MFSD1: variants seen among roughly 807,000 people sequenced by gnomAD.
MFSD1 encodes the protein lysosomal dipeptide transporter MFSD1.
MFSD1 carries 59 observed loss-of-function variants against 67.1 expected under a neutral mutation model. The ratio of observed to expected loss-of-function variants is 0.88; its 90% CI spans 0.71 to 1.09. The LOEUF is 1.09. Among genes scored for constraint, MFSD1 ranks in the 50% least tolerant of loss-of-function variants. MFSD1 has a pLI of 0.00. For missense variants in MFSD1, 552 were observed against 566.1 expected, an observed-to-expected ratio of 0.97 and a Z score of 0.25; for synonymous variants, 213 against 200.3, an observed-to-expected ratio of 1.06 and a Z score of -0.54.
At chr3:158,808,628 A>G (rs534972484) in intron 5 of MFSD1, among the ~76,000 whole-genome samples, 38 of 152,290 alleles carry the variant, frequency 2.5e-4, no homozygotes, top group Middle Eastern at 3.4e-3. Flanking sequence ...TTATTGCAGT[A>G]TATCATGTGA....
chr3:158,808,943 G>GCCC (rs2108209242), intron 5 of MFSD1: 1 of 398,832 alleles, frequency 2.5e-6, no homozygotes, highest in Non-Finnish European at 4.5e-6. Flanking sequence ...AAGTGCGAGT[G>GCCC]TCGGAGTGAA....
intron 3 of MFSD1, among the ~76,000 whole-genome samples, chr3:158,806,263 G>A (rs1729722407): frequency 6.6e-6 from 1 of 152,192 alleles, no homozygotes; most frequent in South Asian, 2.1e-4. Context: ...TCAAGAGAGA[G>A]AATTAGCTTG....
At chr3:158,826,131 C>G in intron 14 of MFSD1, 69 bp downstream of exon 14, 1 of 1,281,866 alleles carries the variant, frequency 7.8e-7, no homozygotes, top group Non-Finnish European at 1.1e-6. Context: ...CTGGGTCTGC[C>G]TCTTTGGGGG....
At chr3:158,804,726 T>TA (rs1335450162) in intron 2 of MFSD1, among the ~76,000 whole-genome samples, 1 of 152,238 alleles carries the variant, frequency 6.6e-6, no homozygotes, top group East Asian at 1.9e-4. Context: ...TTTGCCTTCT[T>TA]AAATAGGTTT....
chr3:158,806,681 T>G (rs932849574), intron 3 of MFSD1, among the ~76,000 whole-genome samples: 2 of 152,208 alleles, frequency 1.3e-5, no homozygotes, highest in South Asian at 4.1e-4. Flanking sequence ...AATAGAAATT[T>G]TATGAAGAAT....
In MFSD1 at chr3:158,814,020, T is replaced by C; in HGVS notation, c.605T>C (p.Leu202Ser). The change falls in exon 7 of 16, where the codon TTG becomes TCG. Residue 202 changes from leucine to serine, a missense_variant. Transcript: ENST00000415822. ...MGWLYSKIEA[L>S]LGSAGHTTLG... is the part of the protein sequence containing the mutation. ...TGGCTGTATTCTAAGATTGAAGCTT[T>C]GTTAGGTTCTGCTGGTCACACAACC... 6.2e-7 allele frequency: 1 copy of C among 1,614,034 alleles called. No homozygotes were observed.
At position 158,812,295 on chromosome 3, in the gene MFSD1, A is replaced by G. The variant is rs188296279; in HGVS notation, c.550-1670A>G. 4.0e-3 allele frequency among the ~76,000 whole-genome samples: 613 copies of G among 152,316 alleles called. 7 individuals are homozygous for G. Among genetic ancestry groups the G allele is most frequent in the African/African-American group, 0.014 (592 of 41,564 alleles). On this transcript the variant is annotated intron_variant, in intron 6 of 15. Transcript: ENST00000415822. ...GAGAAGCGCAAAAAAGACGGAATCT[A>G]TGTCACCCCCAGCAGCCCTATAATG...
At chr3:158,824,277 A>G (rs763751116) in intron 13 of MFSD1, 41 bp downstream of exon 13, 9 of 1,361,860 alleles carry the variant, frequency 6.6e-6, no homozygotes, top group South Asian at 6.0e-5. Context: ...CTTTTACTAC[A>G]TAACAGAATG....
At chr3:158,821,891 G>A in intron 10 of MFSD1, 93 bp from the exon 11 acceptor site, 1 of 1,324,102 alleles carries the variant, frequency 7.6e-7, no homozygotes, top group East Asian at 2.3e-5. Context: ...AAATGAGTTA[G>A]GATTTGCTTT....
chr3:158,808,006 A>T (rs1211826353), intron 5 of MFSD1, among the ~76,000 whole-genome samples: 1 of 152,238 alleles, frequency 6.6e-6, no homozygotes, highest in Non-Finnish European at 1.5e-5. Context: ...GACCCAGATG[A>T]CAGAACTGAC....
At chr3:158,827,757 G>A (rs1731059881) in intron 15 of MFSD1, among the ~76,000 whole-genome samples, 2 of 151,998 alleles carry the variant, frequency 1.3e-5, no homozygotes, top group African/African-American at 4.8e-5. Context: ...CTTGAGTTTT[G>A]AGAGCTAGCT....
chr3:158,821,560 C>G (rs1463791285), intron 9 of MFSD1, 37 bp from the exon 10 acceptor site: 1 of 1,398,804 alleles, frequency 7.1e-7, no homozygotes, highest in East Asian at 2.3e-5. Context: ...GAGTAGTTCT[C>G]TCTAATGTGC....
At chr3:158,806,999 C>G in intron 3 of MFSD1, 41 bp from the exon 4 acceptor site, 1 of 1,489,480 alleles carries the variant, frequency 6.7e-7, no homozygotes, top group Admixed American at 2.0e-5. Context: ...TTTTTTTTTT[C>G]TTTTTCTTTT....
chr3:158,803,745 T>C (rs894821148), intron 1 of MFSD1, among the ~76,000 whole-genome samples: 6 of 152,322 alleles, frequency 3.9e-5, no homozygotes, highest in Non-Finnish European at 8.8e-5. Context: ...CTTCTCTCTT[T>C]CCAGTTCCCC....
At chr3:158,804,919 T>TG (rs776185584) in intron 2 of MFSD1, among the ~76,000 whole-genome samples, 1 of 152,170 alleles carries the variant, frequency 6.6e-6, no homozygotes, top group Non-Finnish European at 1.5e-5. Context: ...GGTTGACCCT[T>TG]TTCATTCTAG....
intron 1 of MFSD1, among the ~76,000 whole-genome samples, chr3:158,803,049 G>A (rs1729538656): frequency 6.6e-6 from 1 of 152,180 alleles, no homozygotes; most frequent in Non-Finnish European, 1.5e-5. Flanking sequence ...CTCTGCCACT[G>A]TGAAGCAATC....
Position 158,809,189 on chromosome 3 carries a change from G to T in MFSD1, c.451G>T (p.Glu151Ter). 3 of 1,550,998 alleles carry T rather than the reference G, an allele frequency of 1.9e-6. No individual in the cohort carries two copies. Among genetic ancestry groups the T allele is most frequent in the Non-Finnish European group, 2.6e-6 (3 of 1,153,482 alleles). Residue 151 changes from glutamate to a stop codon, truncating the protein, a stop_gained, in exon 6 of 16, where the codon GAG (glutamate) becomes TAG (stop). Coordinates refer to ENST00000415822, the MANE Select transcript of MFSD1 (RefSeq NM_022736.4). LOFTEE classifies it high-confidence loss of function. ...FGRFVFGIGGESLAVAQNTYA... is the reference protein window; with the variant it reads ...FGRFVFGIGG Reference sequence around the variant, plus strand: ...TTTTTCTATTTTTAGGATTGGTGGCGAGTCCTTAGCAGTTGCCCAGAATAC... The same window carrying T: ...TTTTTCTATTTTTAGGATTGGTGGCTAGTCCTTAGCAGTTGCCCAGAATAC...
chr3:158,814,372 G>A (rs373594950), intron 7 of MFSD1, among the ~76,000 whole-genome samples: 3 of 152,264 alleles, frequency 2.0e-5, no homozygotes. Flanking sequence ...TCAGGCTGGA[G>A]TTCAGTGGCG....
chr3:158,827,641 C>T (rs1436141944), intron 15 of MFSD1, among the ~76,000 whole-genome samples: 1 of 151,878 alleles, frequency 6.6e-6, no homozygotes, highest in Non-Finnish European at 1.5e-5. Context: ...GTCTAGAACT[C>T]CTGGGCTCAA....
Sources: gnomAD v4.1 joint callset for allele counts (sites outside exome capture counted in the v4.1 genomes callset) on GRCh38, gnomAD v4.1.1 for gene constraint, MANE v1.5 for transcripts, NCBI Gene and HGNC (gene_info 2026-07-23, HGNC 2026-07-21) for gene names.